The following CSMD1 variants were observed in gnomAD, a reference collection of about 807,000 sequenced individuals.
CSMD1 encodes CUB and sushi domain-containing protein 1.
Under a neutral mutation model 417.5 loss-of-function variants are expected in CSMD1, and 213 were observed. That is an observed-to-expected ratio of 0.51 (90% CI 0.46 to 0.57). The LOEUF (loss-of-function observed/expected upper bound fraction) is 0.57, where lower values mean the gene tolerates loss of function less well. Ranked by LOEUF, CSMD1 falls within the 20% of genes least tolerant of loss-of-function variation. The probability of loss-of-function intolerance (pLI) is 0.00; values close to 1 mark genes in which losing one functional copy is unlikely to be tolerated. For synonymous variants in CSMD1, 2,862 were observed against 1,736.8 expected (o/e 1.65, Z -16.11); for missense variants, 6,923 against 4,529.7 (o/e 1.53, Z -15.17).
chr8:4,182,333 T>A (rs1798426086), intron 3 of CSMD1, among the ~76,000 whole-genome samples: 1 of 152,148 alleles, frequency 6.6e-6, no homozygotes, highest in African/African-American at 2.4e-5. Context: ...TTTATTCTTG[T>A]AATCCCCAAT....
At chr8:3,857,288 T>C (rs540510107) in intron 5 of CSMD1, among the ~76,000 whole-genome samples, 2 of 152,110 alleles carry the variant, frequency 1.3e-5, no homozygotes, top group Non-Finnish European at 2.9e-5. Context: ...ACTGGGCCTT[T>C]AGCATTAGGA....
At chr8:3,890,220 A>G (rs1806866444) in intron 5 of CSMD1, among the ~76,000 whole-genome samples, 1 of 152,204 alleles carries the variant, frequency 6.6e-6, no homozygotes, top group African/African-American at 2.4e-5. Flanking sequence ...TACTTTTAAT[A>G]AAAGATAAGA....
chr8:4,172,840 A>T (rs1310045727), intron 3 of CSMD1, among the ~76,000 whole-genome samples: 1 of 152,044 alleles, frequency 6.6e-6, no homozygotes, highest in African/African-American at 2.4e-5. Context: ...GAAGGGACTG[A>T]GGGCTGTCCA....
At chr8:4,543,877 G>A (rs957443012) in intron 2 of CSMD1, among the ~76,000 whole-genome samples, 3 of 151,930 alleles carry the variant, frequency 2.0e-5, no homozygotes, top group African/African-American at 7.3e-5. Flanking sequence ...AATTCCTTAG[G>A]GACATAAGAT....
rs547487877 is a variant in CSMD1, at chr8:4,847,084, C to T, written c.85+147248G>A. Among the ~76,000 whole-genome samples the T allele has an allele frequency of 6.6e-5, 10 of 152,174 alleles. No homozygotes were observed. In the Middle Eastern group the frequency reaches 0.01, roughly 155 times the overall value. ...CGAACTTTGTCAAAATAGGGCACCACGCTCTGCTCGTGTATCAAGCTTTGA... is the reference window on the plus strand; with the variant it reads ...CGAACTTTGTCAAAATAGGGCACCATGCTCTGCTCGTGTATCAAGCTTTGA... On this transcript the variant is annotated intron_variant, in intron 1 of 69. Coordinates refer to ENST00000635120, the MANE Select transcript of CSMD1 (RefSeq NM_033225.6).
chr8:4,548,915 G>A (rs929086733), intron 2 of CSMD1, among the ~76,000 whole-genome samples: 11 of 152,152 alleles, frequency 7.2e-5, no homozygotes, highest in African/African-American at 2.7e-4. Flanking sequence ...TGTTACCTTG[G>A]AAATTTCTCT....
chr8:3,298,349 G>C (rs11777638), intron 25 of CSMD1, among the ~76,000 whole-genome samples: 2 of 152,050 alleles, frequency 1.3e-5, no homozygotes, highest in Non-Finnish European at 2.9e-5. Context: ...ATGTCCATCA[G>C]CACCCAGAAT....
chr8:4,739,642 G>A (rs1301118088), intron 1 of CSMD1, among the ~76,000 whole-genome samples: 1 of 152,130 alleles, frequency 6.6e-6, no homozygotes, highest in Admixed American at 6.5e-5. Flanking sequence ...CATTAACACA[G>A]GAAGCCACAG....
intron 6 of CSMD1, among the ~76,000 whole-genome samples, chr8:3,720,488 A>C (rs1802089774): frequency 6.6e-6 from 1 of 152,198 alleles, no homozygotes; most frequent in South Asian, 2.1e-4. Context: ...CAACACATTC[A>C]ACAATAACCA....
At chr8:4,592,116 C>T (rs1263542470) in intron 2 of CSMD1, among the ~76,000 whole-genome samples, 8 of 151,932 alleles carry the variant, frequency 5.3e-5, no homozygotes, top group South Asian at 4.2e-4. Context: ...AGCGGCTTTG[C>T]TGGCATAACG....
At chr8:3,123,731 T>C (rs1330658759) in intron 41 of CSMD1, among the ~76,000 whole-genome samples, 1 of 152,226 alleles carries the variant, frequency 6.6e-6, no homozygotes, top group Non-Finnish European at 1.5e-5. Flanking sequence ...GCCTTGGAAG[T>C]ATACAAGCCT....
At chr8:3,776,221 T>C (rs1798880179) in intron 5 of CSMD1, among the ~76,000 whole-genome samples, 1 of 152,156 alleles carries the variant, frequency 6.6e-6, no homozygotes, top group Admixed American at 6.6e-5. Flanking sequence ...TGCCCTGTGC[T>C]CATCCGGATG....
At chr8:4,399,734 C>T (rs1438210) in intron 3 of CSMD1, among the ~76,000 whole-genome samples, 112,821 of 152,080 alleles carry the variant, frequency 0.74, 42,092 homozygotes, top group African/African-American at 0.82. Flanking sequence ...CTAATGAAGA[C>T]TTTTGTTTTA....
chr8:3,508,384 C>G (rs527528324), intron 10 of CSMD1, among the ~76,000 whole-genome samples: 1 of 151,718 alleles, frequency 6.6e-6, no homozygotes, highest in African/African-American at 2.4e-5. Context: ...GGAGGGATAG[C>G]ATTAGGAGAT....
chr8:4,147,388 C>A (rs897339691), intron 3 of CSMD1, among the ~76,000 whole-genome samples: 2 of 152,118 alleles, frequency 1.3e-5, no homozygotes, highest in South Asian at 2.1e-4. Context: ...CTCCTCCACA[C>A]TGCCTTCCCC....
chr8:4,811,582 C>G (rs974558321), intron 1 of CSMD1, among the ~76,000 whole-genome samples: 1 of 152,048 alleles, frequency 6.6e-6, no homozygotes. Flanking sequence ...GAGGCTCATC[C>G]TTTGGCAATA....
At chr8:3,819,934 C>T (rs765565585) in intron 5 of CSMD1, among the ~76,000 whole-genome samples, 9 of 152,148 alleles carry the variant, frequency 5.9e-5, no homozygotes, top group African/African-American at 1.2e-4. Flanking sequence ...GCCACAGCTT[C>T]GCCTCTCCCT....
intron 7 of CSMD1, among the ~76,000 whole-genome samples, chr8:3,638,778 C>G (rs957770070): frequency 6.6e-6 from 1 of 152,148 alleles, no homozygotes; most frequent in Admixed American, 6.5e-5. Flanking sequence ...AAGAGAGAAA[C>G]CAGCATGCAT....
At position 4,420,087 on chromosome 8, in the gene CSMD1, C is replaced by A. The variant is rs759043452; in HGVS notation, c.303-22G>T. 33 of 1,500,282 alleles carry A rather than the reference C, an allele frequency of 2.2e-5. No homozygotes were observed. In the Admixed American group the frequency reaches 3.9e-4, roughly 18 times the overall value. 92.9% of individuals were successfully genotyped at this position (1,500,282 alleles called of 1,614,324 possible). ...TAATCTAAATTTAAAAGACAAGACA[C>A]AAAGAGAGTTAAAAGCATGAATTTG... On this transcript the variant is annotated intron_variant, in intron 2 of 69. Transcript: ENST00000635120.
Sources: gnomAD v4.1 joint callset for allele counts (sites outside exome capture counted in the v4.1 genomes callset) on GRCh38, gnomAD v4.1.1 for gene constraint, MANE v1.5 for transcripts, NCBI Gene and HGNC (gene_info 2026-07-23, HGNC 2026-07-21) for gene names.